The following NLRP14 variants were observed in gnomAD, a reference collection of about 807,000 sequenced individuals.
The protein encoded by NLRP14 is NACHT, LRR and PYD domains-containing protein 14.
NLRP14 carries 105 observed loss-of-function variants against 94.7 expected under a neutral mutation model. The observed-to-expected ratio is 1.11, with a 90% CI of 0.95 to 1.30. NLRP14 has a LOEUF of 1.30. Ranked by LOEUF, NLRP14 falls within the 50% of genes most tolerant of loss-of-function variation. The pLI is 0.00. For synonymous variants in NLRP14, 508 were observed against 459.9 expected, an observed-to-expected ratio of 1.10 and a Z score of -1.34; for missense variants, 1,362 against 1,254.1, an observed-to-expected ratio of 1.09 and a Z score of -1.30.
intron 1 of NLRP14, among the ~76,000 whole-genome samples, chr11:7,037,486 A>G (rs1324234312): frequency 6.6e-6 from 1 of 152,182 alleles, no homozygotes; most frequent in Non-Finnish European, 1.5e-5. Context: ...TTTTAGTGAA[A>G]GATCTAAGTT....
At chr11:7,083,504 T>C in the NLRP14 span, among the ~76,000 whole-genome samples, 1 of 152,198 alleles carries the variant, frequency 6.6e-6, no homozygotes, top group Non-Finnish European at 1.5e-5. Context: ...CCAGTGTCTA[T>C]TCCCATCAAG....
rs1452095977 is a variant in NLRP14, at chr11:7,041,787, G to C, written c.362-601G>C. On this transcript the variant is annotated intron_variant, in intron 3 of 11. Transcript: ENST00000299481. ...TGAGGTTCAGAGAGGTCTTCCCTGAGATCCTATCCTTTTAATAGAGATCTA... is the reference window on the plus strand; with the variant it reads ...TGAGGTTCAGAGAGGTCTTCCCTGACATCCTATCCTTTTAATAGAGATCTA... 2.6e-5 allele frequency among the ~76,000 whole-genome samples: 4 copies of C among 152,296 alleles called. No individual in the cohort carries two copies. The East Asian group carries it at 5.8e-4, about 22-fold the overall frequency.
chr11:7,090,090 G>T, the NLRP14 span: 4 of 1,611,610 alleles, frequency 2.5e-6, no homozygotes, highest in Admixed American at 1.7e-5. Flanking sequence ...CGGCGGCCGC[G>T]ACAGTTACAG....
Position 7,042,937 on chromosome 11 carries a change from T to C in NLRP14, c.911T>C (p.Leu304Ser). Residue 304 changes from leucine to serine, a missense_variant, in exon 4 of 12, where the codon TTG becomes TCG. Physicochemically the swap from Leu to Ser is moderately radical, Grantham distance 145. Transcript: ENST00000299481. The stretch of plus-strand genomic sequence containing the variant: ...GTGATGCTCCCTGAGGCATCCTTAT[T>C]GGTGACAACAAGACTCACAACTTCT... ...RKVMLPEASL[L>S]VTTRLTTSKR... 1 of 1,614,146 alleles carries C rather than the reference T, an allele frequency of 6.2e-7. No homozygotes were observed. The highest frequency in any genetic ancestry group is 1.1e-5 in the South Asian group (1 of 91,084).
chr11:7,081,198 T>A, the NLRP14 span, among the ~76,000 whole-genome samples: 1 of 152,176 alleles, frequency 6.6e-6, no homozygotes, highest in African/African-American at 2.4e-5. Context: ...AGGTGGTTTT[T>A]TTTATTAAGG....
chr11:7,071,745 G>C (rs1852803539), downstream of NLRP14, among the ~76,000 whole-genome samples: 1 of 150,556 alleles, frequency 6.6e-6, no homozygotes, highest in South Asian at 2.1e-4. Flanking sequence ...AAGATCACTT[G>C]GGTATCCGTC....
intron 7 of NLRP14, 36 bp from the exon 8 acceptor site, chr11:7,058,243 GA>G: frequency 6.3e-7 from 1 of 1,579,044 alleles, no homozygotes. Flanking sequence ...TGGGCTTTGG[GA>G]ATTGACAGAT....
chr11:7,042,515 A>G lies in NLRP14; in HGVS notation c.489A>G (p.Glu163=). The G allele has an allele frequency of 6.2e-7, 1 of 1,614,210 alleles. No homozygotes were observed. Among genetic ancestry groups the G allele is most frequent in the Admixed American group, 1.7e-5 (1 of 60,028 alleles). The part of the protein sequence containing the change: ...GIAEKDRKLL[E]HLFDVDVKTG... ...CAGAGAAAGATAGAAAACTGTTGGA[A>G]CACTTGTTCGATGTGGATGTCAAAA... The change falls in exon 4 of 12, where the codon GAA becomes GAG. Residue 163 remains glutamate, a synonymous_variant. Transcript: ENST00000299481.
At chr11:7,085,448 A>G in the NLRP14 span, among the ~76,000 whole-genome samples, 2 of 152,228 alleles carry the variant, frequency 1.3e-5, no homozygotes, top group African/African-American at 4.8e-5. Flanking sequence ...GAATTTAACT[A>G]GACACCTCAT....
chr11:7,051,186 TG>T (rs1464750112), intron 6 of NLRP14, among the ~76,000 whole-genome samples: 2 of 152,218 alleles, frequency 1.3e-5, no homozygotes, highest in Admixed American at 1.3e-4. Flanking sequence ...TACAATGCTT[TG>T]GCAAAAGTCA....
chr11:7,068,451 C>T (rs1049241003), intron 10 of NLRP14, among the ~76,000 whole-genome samples: 15 of 152,168 alleles, frequency 9.9e-5, no homozygotes, highest in South Asian at 2.1e-4. Context: ...TTGTAAACTT[C>T]CCTAGAACTT....
At chr11:7,089,063 C>T in the NLRP14 span, 12 of 1,567,652 alleles carry the variant, frequency 7.7e-6, no homozygotes, top group Non-Finnish European at 9.6e-6. Context: ...TCGAAGGCTG[C>T]GACTGGCGCC....
chr11:7,046,889 T>C, intron 5 of NLRP14, 57 bp downstream of exon 5: 1 of 1,294,210 alleles, frequency 7.7e-7, no homozygotes, highest in Non-Finnish European at 1.1e-6. Flanking sequence ...CTGTGTCCCA[T>C]CTTCCACTCA....
chr11:7,023,870 A>G (rs116633950), intron 1 of NLRP14, among the ~76,000 whole-genome samples: 285 of 152,022 alleles, frequency 1.9e-3, no homozygotes, highest in African/African-American at 6.7e-3. Flanking sequence ...CTCACACTTA[A>G]CCAGATATCA....
At position 7,043,582 on chromosome 11, in the gene NLRP14, G is replaced by C; in HGVS notation, c.1556G>C (p.Ser519Thr). ...EDLKSLLQST[S>T]YKDPHLTQMK... ...TTGAAGTCATTACTTCAAAGCACAA[G>C]TTATAAAGACCCCCATTTGACACAG... is the stretch of plus-strand genomic sequence containing the variant. The change falls in exon 4 of 12, where the codon AGT (serine) becomes ACT (threonine). Residue 519 changes from serine (S) to threonine (T), a missense_variant. Coordinates refer to ENST00000299481, the MANE Select transcript of NLRP14 (RefSeq NM_176822.4). The C allele has an allele frequency of 6.2e-7, 1 of 1,614,182 alleles. No homozygotes were observed. The highest frequency in any genetic ancestry group is 2.2e-5 in the East Asian group (1 of 44,882).
At chr11:7,077,057 C>T in the NLRP14 span, among the ~76,000 whole-genome samples, 1 of 152,186 alleles carries the variant, frequency 6.6e-6, no homozygotes, top group East Asian at 1.9e-4. Context: ...CTGGAGACTC[C>T]CTAGAATCGC....
chr11:7,043,346 C>A lies in NLRP14; in HGVS notation c.1320C>A (p.Tyr440Ter), dbSNP rs145713104. The change falls in exon 4 of 12, where the codon TAC (tyrosine) becomes TAA (stop). Residue 440 changes from tyrosine (Y) to a stop codon, truncating the protein, a stop_gained. Transcript: ENST00000299481. LOFTEE classifies it high-confidence loss of function. ...VAAKGIWTMT[Y>*]VFYRENLRRL... ...CCAAAGGAATATGGACTATGACTTA[C>A]GTGTTTTACAGAGAAAATCTCAGAA... is the stretch of plus-strand genomic sequence containing the variant. 6 of 1,614,006 alleles carry A rather than the reference C, an allele frequency of 3.7e-6. No individual in the cohort carries two copies. The highest frequency in any genetic ancestry group is 5.1e-6 in the Non-Finnish European group (6 of 1,180,024).
rs1028732003 is a variant in NLRP14 at position 7,070,463 on chromosome 11, C to T, written c.3146+7C>T. 14 of 1,603,868 alleles carry T rather than the reference C, an allele frequency of 8.7e-6. No individual in the cohort carries two copies. Among genetic ancestry groups the T allele is most frequent in the Non-Finnish European group, 1.0e-5 (12 of 1,171,618 alleles). The stretch of plus-strand genomic sequence containing the variant: ...GTAAACTACAAGTTCTAGGGTAAGT[C>T]TCCATTGGCTTCTCAGGGGGAGCAT... On this transcript the variant is annotated splice_region_variant and intron_variant, in intron 11 of 11. Transcript: ENST00000299481.
intron 1 of NLRP14, 148 bp downstream of exon 1, chr11:7,020,918 A>C (rs1851917976): frequency 6.6e-6 from 1 of 152,380 alleles, no homozygotes; most frequent in Non-Finnish European, 1.5e-5. Flanking sequence ...AGTGGAGCTG[A>C]AATGAAGCCA....
Sources: allele counts gnomAD v4.1 joint callset (sites outside exome capture counted in the v4.1 genomes callset), GRCh38; gene constraint gnomAD v4.1.1; transcripts MANE v1.5; gene names NCBI Gene and HGNC (gene_info 2026-07-23, HGNC 2026-07-21).